Variants in CD80 observed in about 807,000 individuals in gnomAD.
The protein encoded by CD80 is T-lymphocyte activation antigen CD80.
In CD80, 13 loss-of-function variants were observed where a neutral mutation model predicts 27.1. The observed-to-expected ratio is 0.48, with a 90% CI of 0.31 to 0.76. The LOEUF (loss-of-function observed/expected upper bound fraction) is 0.76, where lower values mean the gene tolerates loss of function less well. Among genes scored for constraint, CD80 ranks in the 30% least tolerant of loss-of-function variants. The pLI, the probability that CD80 is intolerant of heterozygous loss-of-function variation, is 0.04. For synonymous variants in CD80, 125 were observed against 125.5 expected (o/e 1.00, Z 0.03); for missense variants, 277 against 347.9 (o/e 0.80, Z 1.62).
intron 3 of CD80, among the ~76,000 whole-genome samples, chr3:119,542,075 C>G (rs557160478): frequency 1.9e-5 from 2 of 107,460 alleles, no homozygotes; most frequent in African/African-American, 7.3e-5. Flanking sequence ...CCCCCCACCC[C>G]AGGAAACACA....
intron 5 of CD80, among the ~76,000 whole-genome samples, chr3:119,528,359 G>A (rs544198353): frequency 3.9e-5 from 6 of 152,168 alleles, no homozygotes; most frequent in Admixed American, 1.3e-4. Flanking sequence ...TTGATCTTCC[G>A]ATTTTATTTG....
At chr3:119,555,126 G>A (rs968563330) in intron 2 of CD80, among the ~76,000 whole-genome samples, 2 of 152,100 alleles carry the variant, frequency 1.3e-5, no homozygotes, top group African/African-American at 4.8e-5. Context: ...ATTTTTTAGA[G>A]CTGCTTTAGG....
At chr3:119,538,970 A>G (rs958205856) in intron 3 of CD80, among the ~76,000 whole-genome samples, 3 of 152,080 alleles carry the variant, frequency 2.0e-5, no homozygotes, top group African/African-American at 7.2e-5. Context: ...AACACCCATG[A>G]CCAGTATTTT....
chr3:119,540,892 TA>T (rs2082164150), intron 3 of CD80, among the ~76,000 whole-genome samples: 2 of 151,880 alleles, frequency 1.3e-5, no homozygotes, highest in Admixed American at 6.6e-5. Flanking sequence ...CTACTAAAAA[TA>T]AAAAATTAGC....
intron 2 of CD80, among the ~76,000 whole-genome samples, chr3:119,546,365 C>G (rs1454138671): frequency 6.6e-6 from 1 of 152,110 alleles, no homozygotes; most frequent in Admixed American, 6.6e-5. Context: ...TGTGGTGGCT[C>G]TATGGAGGGG....
chr3:119,538,326 T>C (rs962265726), intron 3 of CD80, among the ~76,000 whole-genome samples: 5 of 152,216 alleles, frequency 3.3e-5, no homozygotes, highest in African/African-American at 1.2e-4. Context: ...CTTTTCTTCC[T>C]GATGCTTGAA....
intron 2 of CD80, among the ~76,000 whole-genome samples, chr3:119,548,282 T>C (rs554731353): frequency 6.6e-6 from 1 of 152,226 alleles, no homozygotes; most frequent in South Asian, 2.1e-4. Context: ...ACGCCTAGCA[T>C]GATGAGACAT....
intron 5 of CD80, 149 bp downstream of exon 5, chr3:119,529,693 G>C (rs1403714019): frequency 1.7e-5 from 10 of 603,712 alleles, no homozygotes; most frequent in Admixed American, 1.2e-4. Flanking sequence ...AGAACTTGTT[G>C]AGACAAGTAA....
chr3:119,539,859 T>G (rs1371514614), intron 3 of CD80, among the ~76,000 whole-genome samples: 2 of 152,210 alleles, frequency 1.3e-5, no homozygotes, highest in African/African-American at 4.8e-5. Flanking sequence ...GTCAATAACT[T>G]ACCCACCTTT....
At chr3:119,527,917 T>C in intron 5 of CD80, 76 bp from the exon 6 acceptor site, 2 of 1,298,154 alleles carry the variant, frequency 1.5e-6, no homozygotes, top group Non-Finnish European at 2.2e-6. Flanking sequence ...ATATTTACTT[T>C]AGCAAGGCTT....
Position 119,554,546 on chromosome 3 carries a change from G to A in CD80, c.100+3083C>T, listed in dbSNP as rs375532437. On this transcript the variant is annotated intron_variant, in intron 2 of 6. Coordinates refer to ENST00000264246, the MANE Select transcript of CD80 (RefSeq NM_005191.4). ...ATAGACAGTGCCTGCAGGCCTAGAGGGGGAGAGGAGCCTGGCTGGTTCCAC... is the reference window on the plus strand; with the variant it reads ...ATAGACAGTGCCTGCAGGCCTAGAGAGGGAGAGGAGCCTGGCTGGTTCCAC... Among the ~76,000 whole-genome samples, 11 of 152,290 alleles carry A rather than the reference G, an allele frequency of 7.2e-5. No individual in the cohort carries two copies. The East Asian group carries it at 1.3e-3, about 19-fold the overall frequency.
chr3:119,542,475 C>A (rs1281623877), intron 3 of CD80, among the ~76,000 whole-genome samples: 1 of 151,964 alleles, frequency 6.6e-6, no homozygotes. Context: ...GGCTCAAGTC[C>A]CAGGGGAAAA....
At chr3:119,526,393 G>T (rs940707935) in intron 6 of CD80, among the ~76,000 whole-genome samples, 13 of 152,188 alleles carry the variant, frequency 8.5e-5, no homozygotes, top group Non-Finnish European at 1.6e-4. Flanking sequence ...CAAGAAAATT[G>T]TAGATAATGA....
rs1246120147 is a variant in CD80, at chr3:119,524,647, T to A, written c.*1141A>T. On this transcript the variant is annotated 3_prime_UTR_variant, in exon 7 of 7. Transcript: ENST00000264246. ...GCATTTGAGAAATGTTGTCTTCTTT[T>A]GCTGTTCAACTCCAGATTTTCAGAT... 1 of 152,250 alleles carries A rather than the reference T, an allele frequency of 6.6e-6. No homozygotes were observed. 9.4% of individuals were successfully genotyped at this position (152,250 alleles called of 1,614,324 possible). A position where few individuals can be genotyped will look rare whatever the true frequency, so the allele number is the denominator to read the frequency against.
intron 4 of CD80, among the ~76,000 whole-genome samples, chr3:119,535,400 C>T (rs999410666): frequency 2.0e-5 from 3 of 152,122 alleles, no homozygotes; most frequent in Admixed American, 6.6e-5. Context: ...TCTTACTATA[C>T]AGTCACAAAA....
intron 2 of CD80, 41 bp downstream of exon 2, chr3:119,557,588 C>T: frequency 1.4e-6 from 2 of 1,415,048 alleles, no homozygotes; most frequent in African/African-American, 1.4e-5. Flanking sequence ...TCTCTTAACC[C>T]TGTAGCAGTT....
At chr3:119,547,411 G>C (rs1288398485) in intron 2 of CD80, among the ~76,000 whole-genome samples, 1 of 152,194 alleles carries the variant, frequency 6.6e-6, no homozygotes, top group Non-Finnish European at 1.5e-5. Context: ...GACTGAGGAA[G>C]TTTTGCTTTG....
At chr3:119,526,147 T>A (rs1203982044) in intron 6 of CD80, among the ~76,000 whole-genome samples, 2 of 152,100 alleles carry the variant, frequency 1.3e-5, no homozygotes, top group Non-Finnish European at 2.9e-5. Flanking sequence ...CTTCTATGTG[T>A]GGGGCTCTCA....
chr3:119,557,572 G>A, intron 2 of CD80, 57 bp downstream of exon 2: 2 of 1,217,724 alleles, frequency 1.6e-6, no homozygotes, highest in Non-Finnish European at 2.4e-6. Flanking sequence ...AGAACCCCAT[G>A]TCCTTTCTCT....
Sources: allele counts gnomAD v4.1 joint callset (sites outside exome capture counted in the v4.1 genomes callset), GRCh38; gene constraint gnomAD v4.1.1; transcripts MANE v1.5; gene names NCBI Gene and HGNC (gene_info 2026-07-23, HGNC 2026-07-21).